The following BMERB1 variants were observed in gnomAD, a reference collection of about 807,000 sequenced individuals.
BMERB1 encodes bMERB domain-containing protein 1.
A neutral mutation model predicts 23.6 loss-of-function variants in BMERB1; 12 were observed. The observed-to-expected ratio is 0.51, with a 90% CI of 0.33 to 0.82. The LOEUF (loss-of-function observed/expected upper bound fraction) is 0.82. Among genes scored for constraint, BMERB1 ranks in the 40% least tolerant of loss-of-function variants. BMERB1 has a pLI of 0.03. For synonymous variants in BMERB1, 122 were observed against 96.6 expected, an observed-to-expected ratio of 1.26 and a Z score of -1.54; for missense variants, 247 against 255.4, an observed-to-expected ratio of 0.97 and a Z score of 0.22.
At chr16:15,532,243 T>C (rs962270971) in intron 2 of BMERB1, among the ~76,000 whole-genome samples, 1 of 152,180 alleles carries the variant, frequency 6.6e-6, no homozygotes, top group Non-Finnish European at 1.5e-5. Context: ...TTTTTTTGTT[T>C]TTTTTTGAGA....
intron 1 of BMERB1, among the ~76,000 whole-genome samples, chr16:15,467,342 C>T (rs1164867280): frequency 1.3e-5 from 2 of 152,212 alleles, no homozygotes; most frequent in African/African-American, 4.8e-5. Context: ...TTCCCATCCT[C>T]ACCTGCATTT....
chr16:15,553,985 T>C (rs1034024910), intron 2 of BMERB1, among the ~76,000 whole-genome samples: 4 of 152,194 alleles, frequency 2.6e-5, no homozygotes, highest in East Asian at 1.9e-4. Context: ...CAGACACATA[T>C]GTCCCTGATA....
intron 2 of BMERB1, among the ~76,000 whole-genome samples, chr16:15,530,229 T>C (rs960721677): frequency 5.3e-5 from 8 of 152,198 alleles, no homozygotes; most frequent in Admixed American, 5.2e-4. Flanking sequence ...GTGGGAGTTA[T>C]TTATATGCTA....
Position 15,552,102 on chromosome 16 carries a change from A to G in BMERB1, c.231-15881A>G, listed in dbSNP as rs12447681. Among the ~76,000 whole-genome samples, 4 of 152,212 alleles carry G rather than the reference A, an allele frequency of 2.6e-5. 1 individual carries two copies. The highest frequency in any genetic ancestry group is 1.3e-4 in the Admixed American group (2 of 15,282). On this transcript the variant is annotated intron_variant, in intron 2 of 5. Coordinates refer to ENST00000300006, the MANE Select transcript of BMERB1 (RefSeq NM_033201.3). The stretch of plus-strand genomic sequence containing the variant: ...CGCTGGGCCCTCCAAGGGAAGGACT[A>G]TGTGTCTCATTCTAGGCACTGGTAA...
chr16:15,492,924 AAAAG>A (rs2051435798), intron 1 of BMERB1, among the ~76,000 whole-genome samples: 1 of 151,788 alleles, frequency 6.6e-6, no homozygotes, highest in Non-Finnish European at 1.5e-5. Flanking sequence ...ATCTCAAAAA[AAAAG>A]AAAAAAAAGA....
At chr16:15,512,012 C>CAAAAAAAAAAAAAA (rs57021793) in intron 1 of BMERB1, among the ~76,000 whole-genome samples, 4 of 61,130 alleles carry the variant, frequency 6.5e-5, no homozygotes, top group African/African-American at 1.7e-4. Flanking sequence ...GACTTGCTCT[C>CAAAAAAAAAAAAAA]AAAAAAAAAA....
intron 1 of BMERB1, among the ~76,000 whole-genome samples, chr16:15,453,897 C>T (rs2051063212): frequency 6.6e-6 from 1 of 151,894 alleles, no homozygotes; most frequent in Non-Finnish European, 1.5e-5. Flanking sequence ...ATAAAGCAAA[C>T]CAACAGAATG....
In BMERB1 at chr16:15,527,689, AAGAC is replaced by A. The variant is rs557306734; in HGVS notation, c.230+12264_230+12267del. ...CATTTCTAAGGGGAAAATGCTGAGA[AAGAC>A]AGGCAGGGGAAGGTACAGTATCTGA... On this transcript the variant is annotated intron_variant, in intron 2 of 5. Coordinates refer to ENST00000300006, the MANE Select transcript of BMERB1 (RefSeq NM_033201.3). 1.4e-4 allele frequency among the ~76,000 whole-genome samples: 22 copies of A among 152,294 alleles called. No individual in the cohort carries two copies. In the East Asian group the frequency reaches 3.1e-3, roughly 21 times the overall value.
rs192018754 is a variant in BMERB1, at chr16:15,446,469, T to A, written c.106+11710T>A. Among the ~76,000 whole-genome samples, 3 of 152,330 alleles carry A rather than the reference T, an allele frequency of 2.0e-5. No homozygotes were observed. The East Asian group carries it at 5.8e-4, about 29-fold the overall frequency. On this transcript the variant is annotated intron_variant, in intron 1 of 5. Transcript: ENST00000300006. ...CCTATGAGCCACTGTGTGCATGTTT[T>A]ACATGCATCCTCCGCTCCTTACAAA...
intron 1 of BMERB1, among the ~76,000 whole-genome samples, chr16:15,439,406 C>T (rs756973430): frequency 4.5e-4 from 69 of 152,268 alleles, no homozygotes; most frequent in Middle Eastern, 3.4e-3. Flanking sequence ...ATGCTGAAAG[C>T]GCTCAATCAA....
At chr16:15,524,761 A>G (rs1435265135) in intron 2 of BMERB1, among the ~76,000 whole-genome samples, 1 of 152,042 alleles carries the variant, frequency 6.6e-6, no homozygotes, top group Non-Finnish European at 1.5e-5. Context: ...ACAGAATGAG[A>G]CTCTGTGTCA....
At chr16:15,462,646 C>T (rs153807) in intron 1 of BMERB1, among the ~76,000 whole-genome samples, 55,744 of 151,798 alleles carry the variant, frequency 0.37, 10,814 homozygotes, top group Admixed American at 0.51. Flanking sequence ...AGCCTGAATG[C>T]GAACAGAAAT....
intron 2 of BMERB1, among the ~76,000 whole-genome samples, chr16:15,560,952 CT>C (rs1166759122): frequency 2.3e-3 from 242 of 106,612 alleles, no homozygotes; most frequent in African/African-American, 7.4e-3. Flanking sequence ...TTCTCTGCTG[CT>C]TTTTTTTTTT....
chr16:15,556,839 C>A (rs1355140323), intron 2 of BMERB1, among the ~76,000 whole-genome samples: 2 of 152,200 alleles, frequency 1.3e-5, no homozygotes, highest in Non-Finnish European at 2.9e-5. Context: ...CCTCCTCGGC[C>A]TCCCAAAGTG....
intron 1 of BMERB1, among the ~76,000 whole-genome samples, chr16:15,461,748 C>A (rs2051137717): frequency 6.6e-6 from 1 of 151,816 alleles, no homozygotes; most frequent in African/African-American, 2.4e-5. Flanking sequence ...CACAGCAAAC[C>A]CCATCTCTAC....
At chr16:15,545,703 T>C (rs907354505) in intron 2 of BMERB1, among the ~76,000 whole-genome samples, 2 of 152,172 alleles carry the variant, frequency 1.3e-5, no homozygotes, top group African/African-American at 4.8e-5. Flanking sequence ...CTTTTATCTC[T>C]GTCATTTGCT....
In BMERB1 at chr16:15,476,729, C is replaced by T. The variant is rs140394891; in HGVS notation, c.107-38576C>T. 7.2e-5 allele frequency among the ~76,000 whole-genome samples: 11 copies of T among 152,272 alleles called. No homozygotes were observed. In the East Asian group the frequency reaches 7.7e-4, roughly 11 times the overall value. ...TCTGCTGAAGGGGAGGGGAGAGAGA[C>T]GGGAGACCCATCACCAGACCCTGAT... On this transcript the variant is annotated intron_variant, in intron 1 of 5. Coordinates refer to ENST00000300006, the MANE Select transcript of BMERB1 (RefSeq NM_033201.3).
chr16:15,435,103 C>T (rs1008065655), intron 1 of BMERB1, among the ~76,000 whole-genome samples: 1 of 152,234 alleles, frequency 6.6e-6, no homozygotes, highest in African/African-American at 2.4e-5. Flanking sequence ...ATCCTCTCTC[C>T]GCCTGGGATG....
intron 5 of BMERB1, chr16:15,584,319 G>T (rs2031087170): frequency 3.0e-6 from 1 of 335,268 alleles, no homozygotes; most frequent in Admixed American, 4.5e-5. Context: ...CAGCACTTTG[G>T]GAGGCCGAGG....
Sources: gnomAD v4.1 joint callset for allele counts (sites outside exome capture counted in the v4.1 genomes callset) on GRCh38, gnomAD v4.1.1 for gene constraint, MANE v1.5 for transcripts, NCBI Gene and HGNC (gene_info 2026-07-23, HGNC 2026-07-21) for gene names.